Variants in ARHGAP23 observed in about 807,000 individuals in gnomAD.
The protein encoded by ARHGAP23 is Rho GTPase activating protein 23.
ARHGAP23 carries 34 observed loss-of-function variants against 136.3 expected under a neutral mutation model. The observed-to-expected ratio is 0.25, with a 90% CI of 0.19 to 0.33. The LOEUF (loss-of-function observed/expected upper bound fraction) is 0.33, where lower values mean the gene tolerates loss of function less well. ARHGAP23 is among the 10% of genes least tolerant of loss of function. The pLI, the probability that ARHGAP23 is intolerant of heterozygous loss-of-function variation, is 1.00. For synonymous variants in ARHGAP23, 832 were observed against 920.5 expected (o/e 0.90, Z 1.74); for missense variants, 1,808 against 2,139.0 (o/e 0.85, Z 3.05).
At chr17:38,447,462 A>AAG (rs1223796482) in intron 1 of ARHGAP23, among the ~76,000 whole-genome samples, 55 of 151,026 alleles carry the variant, frequency 3.6e-4, no homozygotes, top group South Asian at 3.4e-3. Context: ...AAAAAAAAAA[A>AAG]AAAGAAATAA....
At position 38,469,248 on chromosome 17, in the gene ARHGAP23, T is replaced by C; in HGVS notation, c.1753T>C (p.Ser585Pro). The C allele has an allele frequency of 6.4e-7, 1 of 1,551,582 alleles. No individual in the cohort carries two copies. Among genetic ancestry groups the C allele is most frequent in the Non-Finnish European group, 8.7e-7 (1 of 1,146,826 alleles). ...NSAPVLGTSPSSPTFTFTLGR... is the reference protein window; with the variant it reads ...NSAPVLGTSPPSPTFTFTLGR... ...AGCCCCTGTCCTGGGCACCAGCCCA[T>C]CTTCCCCGACCTTCACTTTCACCCT... Residue 585 changes from serine (S) to proline (P), a missense_variant, in exon 8 of 24, where the codon TCT (serine) becomes CCT (proline). By Grantham distance (74) the Ser-to-Pro change is moderately conservative. Coordinates refer to ENST00000622683, the MANE Select transcript of ARHGAP23 (RefSeq NM_001199417.2).
In ARHGAP23 at chr17:38,469,599, G is replaced by C. The variant is rs1449681415; in HGVS notation, c.1880G>C (p.Gly627Ala). ...GAGCGCTCCAAGTCCTGCGATGATGGACTCAACACCTTCCGCGACGAGGGC... is the reference window on the plus strand; with the variant it reads ...GAGCGCTCCAAGTCCTGCGATGATGCACTCAACACCTTCCGCGACGAGGGC... ...TTERSKSCDD[G>A]LNTFRDEGRV... Residue 627 changes from glycine to alanine, a missense_variant, in exon 9 of 24, where the codon GGA (glycine) becomes GCA (alanine). Gly to Ala is a moderately conservative substitution (Grantham distance 60). Around this residue, in one of 7 missense-constraint regions of ARHGAP23, gnomAD observed 859 missense variants for 936.4 expected, o/e 0.92. Transcript: ENST00000622683. 2 of 1,548,814 alleles carry C rather than the reference G, an allele frequency of 1.3e-6. No homozygotes were observed. Among genetic ancestry groups the C allele is most frequent in the Admixed American group, 2.0e-5 (1 of 50,990 alleles).
At chr17:38,439,977 C>T (rs2038886620) in intron 1 of ARHGAP23, among the ~76,000 whole-genome samples, 1 of 151,502 alleles carries the variant, frequency 6.6e-6, no homozygotes. Flanking sequence ...ATCGGCCTGC[C>T]TCGGCCTCCT....
intron 20 of ARHGAP23, among the ~76,000 whole-genome samples, chr17:38,494,792 G>A (rs900946421): frequency 3.9e-5 from 6 of 152,178 alleles, no homozygotes; most frequent in African/African-American, 1.2e-4. Context: ...GCAGAGCAGG[G>A]AGAAAGGGCA....
chr17:38,465,079 G>T (rs1003624443), intron 6 of ARHGAP23, among the ~76,000 whole-genome samples: 4 of 151,996 alleles, frequency 2.6e-5, no homozygotes, highest in South Asian at 2.1e-4. Context: ...GTGGTCAGTG[G>T]CGGGGTTAGC....
chr17:38,457,149 A>G (rs977821476), intron 1 of ARHGAP23, among the ~76,000 whole-genome samples: 2 of 152,202 alleles, frequency 1.3e-5, no homozygotes, highest in African/African-American at 4.8e-5. Flanking sequence ...TTGGTCTCCC[A>G]AAGTGCTGGG....
At chr17:38,448,641 G>GTTTTTTT (rs11327949) in intron 1 of ARHGAP23, among the ~76,000 whole-genome samples, 1 of 106,164 alleles carries the variant, frequency 9.4e-6, no homozygotes. Context: ...AACTTGGGGA[G>GTTTTTTT]TTTTTTTTTT....
chr17:38,435,523 A>G (rs2038775650), intron 1 of ARHGAP23, among the ~76,000 whole-genome samples: 1 of 152,176 alleles, frequency 6.6e-6, no homozygotes, highest in Non-Finnish European at 1.5e-5. Context: ...TTGCCCCCGA[A>G]TCTGATGCTG....
intron 6 of ARHGAP23, 41 bp from the exon 7 acceptor site, chr17:38,466,126 C>A (rs1431500595): frequency 5.6e-6 from 8 of 1,423,690 alleles, no homozygotes; most frequent in Middle Eastern, 1.8e-4. Flanking sequence ...CCCTGTGGGA[C>A]TTGTCTGGCC....
rs375040726 is a variant in ARHGAP23 at position 38,469,404 on chromosome 17, C to T, written c.1804+105C>T. 88 of 1,468,872 alleles carry T rather than the reference C, an allele frequency of 6.0e-5. No homozygotes were observed. The East Asian group carries it at 1.1e-3, about 19-fold the overall frequency. The allele number at this position is 1,468,872 out of a possible 1,614,324, so 91.0% of individuals were successfully genotyped here. A position where few individuals can be genotyped will look rare whatever the true frequency, so the allele number is the denominator to read the frequency against. On this transcript the variant is annotated intron_variant, in intron 8 of 23. Transcript: ENST00000622683. The stretch of plus-strand genomic sequence containing the variant: ...ATGTCTGGCCTCTTCCTCTGGTTTC[C>T]GCTTCTCCTGCGGCCCCTTGGGAGA...
intron 1 of ARHGAP23, among the ~76,000 whole-genome samples, chr17:38,428,987 G>A (rs1221198661): frequency 4.6e-5 from 7 of 152,170 alleles, no homozygotes; most frequent in African/African-American, 1.7e-4. Flanking sequence ...GGGGGAGGGG[G>A]TTCCCGGAGC....
chr17:38,446,463 C>T (rs1210614644), intron 1 of ARHGAP23, among the ~76,000 whole-genome samples: 1 of 152,110 alleles, frequency 6.6e-6, no homozygotes, highest in Non-Finnish European at 1.5e-5. Context: ...TAGATGGACA[C>T]TTGGGTTGCT....
intron 17 of ARHGAP23, among the ~76,000 whole-genome samples, chr17:38,488,738 G>A (rs1567818970): frequency 1.3e-5 from 2 of 152,046 alleles, no homozygotes; most frequent in South Asian, 2.1e-4. Flanking sequence ...TGGTAGAGAC[G>A]GGGTTTCACC....
At chr17:38,476,551 G>A (rs1433458934) in intron 11 of ARHGAP23, among the ~76,000 whole-genome samples, 1 of 152,150 alleles carries the variant, frequency 6.6e-6, no homozygotes, top group Non-Finnish European at 1.5e-5. Context: ...GAGCAGGGTG[G>A]GGGTGCCGGG....
intron 1 of ARHGAP23, among the ~76,000 whole-genome samples, chr17:38,438,528 C>T (rs960698238): frequency 1.3e-5 from 2 of 152,088 alleles, no homozygotes; most frequent in Admixed American, 6.6e-5. Flanking sequence ...AGATCCCGCC[C>T]CTTCCCTCCC....
intron 11 of ARHGAP23, among the ~76,000 whole-genome samples, chr17:38,475,637 C>T (rs1597809795): frequency 1.3e-5 from 2 of 152,224 alleles, no homozygotes; most frequent in African/African-American, 4.8e-5. Flanking sequence ...GAGAGGAGCT[C>T]TTGGTCTGAT....
At chr17:38,468,532 G>A (rs554429010) in intron 7 of ARHGAP23, among the ~76,000 whole-genome samples, 11 of 152,324 alleles carry the variant, frequency 7.2e-5, no homozygotes, top group Admixed American at 2.6e-4. Flanking sequence ...ACAGTGAGAG[G>A]GAGGAGGCCT....
chr17:38,434,939 C>T (rs2038762739), intron 1 of ARHGAP23, among the ~76,000 whole-genome samples: 1 of 152,182 alleles, frequency 6.6e-6, no homozygotes, highest in African/African-American at 2.4e-5. Context: ...GGGACACCCC[C>T]ACCTCCCGCA....
chr17:38,420,504 C>A (rs1165824078), intron 1 of ARHGAP23, among the ~76,000 whole-genome samples: 2 of 152,202 alleles, frequency 1.3e-5, no homozygotes, highest in Admixed American at 1.3e-4. Flanking sequence ...TGAGCACAGG[C>A]CCCCTATCAC....
Sources: gnomAD v4.1 joint callset for allele counts (sites outside exome capture counted in the v4.1 genomes callset) on GRCh38, gnomAD v4.1.1 for gene constraint, gnomAD v4.1.1 regional missense constraint, MANE v1.5 for transcripts, NCBI Gene and HGNC (gene_info 2026-07-23, HGNC 2026-07-21) for gene names.